Variants in KRTAP9-4 observed in about 807,000 individuals in gnomAD.
KRTAP9-4 encodes keratin associated protein 9-4, also known as keratin-associated protein 9-4.
Under a neutral mutation model 12.7 loss-of-function variants are expected in KRTAP9-4, and 8 were observed. The ratio of observed to expected loss-of-function variants is 0.63; its 90% CI spans 0.37 to 1.14. The LOEUF is 1.14. Ranked by LOEUF, KRTAP9-4 falls within the 50% of genes most tolerant of loss-of-function variation. The probability of loss-of-function intolerance (pLI) is 0.01; values close to 1 mark genes in which losing one functional copy is unlikely to be tolerated. For synonymous variants in KRTAP9-4, 81 were observed against 67.3 expected, an observed-to-expected ratio of 1.20 and a Z score of -1.00; for missense variants, 188 against 189.1, an observed-to-expected ratio of 0.99 and a Z score of 0.03.
chr17:41,249,970 A>T lies in KRTAP9-4; in HGVS notation c.250A>T (p.Thr84Ser), dbSNP rs1280541423. 1.9e-6 allele frequency: 3 copies of T among 1,613,750 alleles called. No individual in the cohort carries two copies. The highest frequency in any genetic ancestry group is 1.7e-5 in the Admixed American group (1 of 59,962). The stretch of plus-strand genomic sequence containing the variant: ...CTGCAGCACACCCTGCTGCCAGCCC[A>T]CCTGCTGTGGGTCCAGCTGTGACCA... Reference protein sequence around the residue: ...SCCSTPCCQPTCCGSSCDQSS... With the variant: ...SCCSTPCCQPSCCGSSCDQSS... The change falls in exon 1 of 1, where the codon ACC (threonine) becomes TCC (serine). Residue 84 changes from threonine to serine, a missense_variant. Transcript: ENST00000334109.
chr17:41,250,062 T>A lies in KRTAP9-4; in HGVS notation c.342T>A (p.Pro114=). 1 of 1,613,542 alleles carries A rather than the reference T, an allele frequency of 6.2e-7. No individual in the cohort carries two copies. The highest frequency in any genetic ancestry group is 2.2e-5 in the East Asian group (1 of 44,828). Residue 114 remains proline, a synonymous_variant, in exon 1 of 1, where the codon CCT becomes CCA. Coordinates refer to ENST00000334109, the MANE Select transcript of KRTAP9-4 (RefSeq NM_033191.3). ...ACTACCCCACAACTGTCTGCCTGCC[T>A]GGTTGCCTAAACCAGAGCTGTGGCT... ...TCYYPTTVCL[P]GCLNQSCGSN... is the part of the protein sequence containing the mutation.
Position 41,250,312 on chromosome 17 carries a change from T to C in KRTAP9-4, c.*127T>C, listed in dbSNP as rs1443169996. The stretch of plus-strand genomic sequence containing the variant: ...CTCACCCAAATTTTTATGAATTCTC[T>C]ACCTGTTTAAAATCTTGGGAATCTA... On this transcript the variant is annotated 3_prime_UTR_variant, in exon 1 of 1. Transcript: ENST00000334109. The C allele has an allele frequency of 6.7e-6, 7 of 1,046,150 alleles. No homozygotes were observed. The highest frequency in any genetic ancestry group is 1.0e-5 in the Non-Finnish European group (7 of 700,878). The allele number at this position is 1,046,150 out of a possible 1,614,324, so 64.8% of individuals were successfully genotyped here. A position where few individuals can be genotyped will look rare whatever the true frequency, so the allele number is the denominator to read the frequency against.
At position 41,250,072 on chromosome 17, in the gene KRTAP9-4, A is replaced by T; in HGVS notation, c.352A>T (p.Asn118Tyr). The T allele has an allele frequency of 9.9e-6, 16 of 1,610,164 alleles. No homozygotes were observed. The highest frequency in any genetic ancestry group is 1.4e-5 in the Non-Finnish European group (16 of 1,179,104). Residue 118 changes from asparagine to tyrosine, a missense_variant, in exon 1 of 1, where the codon AAC becomes TAC. Physicochemically the swap from Asn to Tyr is moderately radical, Grantham distance 143. Coordinates refer to ENST00000334109, the MANE Select transcript of KRTAP9-4 (RefSeq NM_033191.3). ...AACTGTCTGCCTGCCTGGTTGCCTA[A>T]ACCAGAGCTGTGGCTCCAACTGCTG... ...PTTVCLPGCL[N>Y]QSCGSNCCQP...
At position 41,250,251 on chromosome 17, in the gene KRTAP9-4, G is replaced by C; in HGVS notation, c.*66G>C. 2 of 1,594,504 alleles carry C rather than the reference G, an allele frequency of 1.3e-6. No homozygotes were observed. Among genetic ancestry groups the C allele is most frequent in the Admixed American group, 3.4e-5 (2 of 59,136 alleles). On this transcript the variant is annotated 3_prime_UTR_variant, in exon 1 of 1. Transcript: ENST00000334109. ...CTGCTCAACTGACTTATCTTTTGGGGGACTAATTTAATTTGCTGCTGACAG... is the reference window on the plus strand; with the variant it reads ...CTGCTCAACTGACTTATCTTTTGGGCGACTAATTTAATTTGCTGCTGACAG...
Position 41,250,213 on chromosome 17 carries a change from A to C in KRTAP9-4, c.*28A>C, listed in dbSNP as rs1187271289. 6.2e-7 allele frequency: 1 copy of C among 1,613,202 alleles called. No individual in the cohort carries two copies. Among genetic ancestry groups the C allele is most frequent in the East Asian group, 2.2e-5 (1 of 44,876 alleles). ...AAGTCCCAAGAGAACCACCATCCTC[A>C]CACAACAACTTTCTGCTCAACTGAC... is the stretch of plus-strand genomic sequence containing the variant. On this transcript the variant is annotated 3_prime_UTR_variant, in exon 1 of 1. Coordinates refer to ENST00000334109, the MANE Select transcript of KRTAP9-4 (RefSeq NM_033191.3).
chr17:41,249,920 T>A lies in KRTAP9-4; in HGVS notation c.200T>A (p.Val67Glu). The change falls in exon 1 of 1, where the codon GTG becomes GAG. Residue 67 changes from valine to glutamate, a missense_variant. Physicochemically the swap from Val to Glu is moderately radical, Grantham distance 121. Transcript: ENST00000334109. ...CQNTCCQPTC[V>E]TSCCQPSCCS... Reference sequence around the variant, plus strand: ...AACACCTGCTGCCAGCCCACCTGTGTGACCAGCTGCTGCCAGCCTTCCTGC... The same window carrying A: ...AACACCTGCTGCCAGCCCACCTGTGAGACCAGCTGCTGCCAGCCTTCCTGC... 1 of 1,613,130 alleles carries A rather than the reference T, an allele frequency of 6.2e-7. No homozygotes were observed. Among genetic ancestry groups the A allele is most frequent in the South Asian group, 1.1e-5 (1 of 91,026 alleles).
At position 41,250,191 on chromosome 17, in the gene KRTAP9-4, T is replaced by G. The variant is rs1419308132; in HGVS notation, c.*6T>G. On this transcript the variant is annotated 3_prime_UTR_variant, in exon 1 of 1. Coordinates refer to ENST00000334109, the MANE Select transcript of KRTAP9-4 (RefSeq NM_033191.3). ...GTCAGCCTTTTTGCTGCTGATCAAGTCCCAAGAGAACCACCATCCTCACAC... is the reference window on the plus strand; with the variant it reads ...GTCAGCCTTTTTGCTGCTGATCAAGGCCCAAGAGAACCACCATCCTCACAC... 1.2e-6 allele frequency: 2 copies of G among 1,614,032 alleles called. No homozygotes were observed.
In KRTAP9-4 at chr17:41,250,136, G is replaced by T; in HGVS notation, c.416G>T (p.Cys139Phe). The change falls in exon 1 of 1, where the codon TGC becomes TTC. Residue 139 changes from cysteine to phenylalanine, a missense_variant. Physicochemically the swap from Cys to Phe is radical, Grantham distance 205. Coordinates refer to ENST00000334109, the MANE Select transcript of KRTAP9-4 (RefSeq NM_033191.3). ...CGCCCAGCCTGCTGTGAGACCACTT[G>T]CTTCCAGCCCACCTGTGTGTCCAGC... ...CCRPACCETT[C>F]FQPTCVSSCC... 1 of 1,614,224 alleles carries T rather than the reference G, an allele frequency of 6.2e-7. No homozygotes were observed. The highest frequency in any genetic ancestry group is 8.5e-7 in the Non-Finnish European group (1 of 1,180,030).
rs1296329314 is a variant in KRTAP9-4, at chr17:41,250,176, T to A, written c.456T>A (p.Phe152Leu). The A allele has an allele frequency of 6.2e-7, 1 of 1,614,242 alleles. No homozygotes were observed. The highest frequency in any genetic ancestry group is 8.5e-7 in the Non-Finnish European group (1 of 1,180,010). The change falls in exon 1 of 1, where the codon TTT (phenylalanine) becomes TTA (leucine). Residue 152 changes from phenylalanine (F) to leucine (L), a missense_variant. Physicochemically the swap from Phe to Leu is conservative, Grantham distance 22. Coordinates refer to ENST00000334109, the MANE Select transcript of KRTAP9-4 (RefSeq NM_033191.3). ...GTGTGTCCAGCTGCTGTCAGCCTTT[T>A]TGCTGCTGATCAAGTCCCAAGAGAA... ...PTCVSSCCQP[F>L]CC
rs772469290 is a variant in KRTAP9-4, at chr17:41,250,132, A to G, written c.412A>G (p.Thr138Ala). The change falls in exon 1 of 1, where the codon ACT (threonine) becomes GCT (alanine). Residue 138 changes from threonine (T) to alanine (A), a missense_variant. Physicochemically the swap from Thr to Ala is moderately conservative, Grantham distance 58 (BLOSUM62 0). Coordinates refer to ENST00000334109, the MANE Select transcript of KRTAP9-4 (RefSeq NM_033191.3). The stretch of plus-strand genomic sequence containing the variant: ...CTGCCGCCCAGCCTGCTGTGAGACC[A>G]CTTGCTTCCAGCCCACCTGTGTGTC... ...PCCRPACCET[T>A]CFQPTCVSSC... 3.7e-6 allele frequency: 6 copies of G among 1,614,034 alleles called. No homozygotes were observed. In the South Asian group the frequency reaches 6.6e-5, roughly 18 times the overall value.
At position 41,250,254 on chromosome 17, in the gene KRTAP9-4, C is replaced by G; in HGVS notation, c.*69C>G. 6.3e-7 allele frequency: 1 copy of G among 1,591,186 alleles called. No individual in the cohort carries two copies. The highest frequency in any genetic ancestry group is 8.6e-7 in the Non-Finnish European group (1 of 1,163,684). The stretch of plus-strand genomic sequence containing the variant: ...CTCAACTGACTTATCTTTTGGGGGA[C>G]TAATTTAATTTGCTGCTGACAGCCA... On this transcript the variant is annotated 3_prime_UTR_variant, in exon 1 of 1. Coordinates refer to ENST00000334109, the MANE Select transcript of KRTAP9-4 (RefSeq NM_033191.3).
Position 41,250,120 on chromosome 17 carries a change from T to A in KRTAP9-4, c.400T>A (p.Cys134Ser), listed in dbSNP as rs2144119516. 1.2e-6 allele frequency: 2 copies of A among 1,614,234 alleles called. No individual in the cohort carries two copies. The highest frequency in any genetic ancestry group is 4.5e-5 in the East Asian group (2 of 44,886). The change falls in exon 1 of 1, where the codon TGC becomes AGC. Residue 134 changes from cysteine to serine, a missense_variant. Transcript: ENST00000334109. Reference sequence around the variant, plus strand: ...CTGCCAGCCCTGCTGCCGCCCAGCCTGCTGTGAGACCACTTGCTTCCAGCC... The same window carrying A: ...CTGCCAGCCCTGCTGCCGCCCAGCCAGCTGTGAGACCACTTGCTTCCAGCC... ...NCCQPCCRPACCETTCFQPTC... is the reference protein window; with the variant it reads ...NCCQPCCRPASCETTCFQPTC...
At position 41,249,877 on chromosome 17, in the gene KRTAP9-4, C is replaced by T. The variant is rs375235134; in HGVS notation, c.157C>T (p.Arg53Cys). 235 of 1,541,818 alleles carry T rather than the reference C, an allele frequency of 1.5e-4. No homozygotes were observed. The highest frequency in any genetic ancestry group is 9.7e-4 in the East Asian group (42 of 43,118). Reference protein sequence around the residue: ...CVSSCCQPCCRPTCCQNTCCQ... With the variant: ...CVSSCCQPCCCPTCCQNTCCQ... ...TTCCAGCTGCTGCCAGCCTTGCTGC[C>T]GCCCAACTTGCTGTCAAAACACCTG... Residue 53 changes from arginine to cysteine, a missense_variant, in exon 1 of 1, where the codon CGC (arginine) becomes TGC (cysteine). By Grantham distance (180) the Arg-to-Cys change is radical. Coordinates refer to ENST00000334109, the MANE Select transcript of KRTAP9-4 (RefSeq NM_033191.3).
Position 41,249,785 on chromosome 17 carries a change from C to T in KRTAP9-4, c.65C>T (p.Thr22Ile). 6.2e-7 allele frequency: 1 copy of T among 1,612,642 alleles called. No individual in the cohort carries two copies. Among genetic ancestry groups the T allele is most frequent in the South Asian group, 1.1e-5 (1 of 91,006 alleles). The change falls in exon 1 of 1, where the codon ACC (threonine) becomes ATC (isoleucine). Residue 22 changes from threonine (T) to isoleucine (I), a missense_variant. By Grantham distance (89) the Thr-to-Ile change is moderately conservative. Coordinates refer to ENST00000334109, the MANE Select transcript of KRTAP9-4 (RefSeq NM_033191.3). ...TGCAGGACCACCTGCTGCAGGACCA[C>T]CTGCTGGAAGCCCACCACTGTGACC... ...TCCRTTCCRT[T>I]CWKPTTVTTC...
rs142171527 is a variant in KRTAP9-4 at position 41,250,163 on chromosome 17, G to T, written c.443G>T (p.Cys148Phe). ...TTCCAGCCCACCTGTGTGTCCAGCT[G>T]CTGTCAGCCTTTTTGCTGCTGATCA... ...TCFQPTCVSS[C>F]CQPFCC is the part of the protein sequence containing the mutation. The change falls in exon 1 of 1, where the codon TGC becomes TTC. Residue 148 changes from cysteine to phenylalanine, a missense_variant. Cys to Phe is a radical substitution (Grantham distance 205, BLOSUM62 -2). Coordinates refer to ENST00000334109, the MANE Select transcript of KRTAP9-4 (RefSeq NM_033191.3). 3.2e-4 allele frequency: 511 copies of T among 1,614,242 alleles called. No individual in the cohort carries two copies. In the East Asian group the frequency reaches 0.011, roughly 35 times the overall value.
chr17:41,249,908 A>G lies in KRTAP9-4; in HGVS notation c.188A>G (p.Gln63Arg). The G allele has an allele frequency of 6.2e-7, 1 of 1,613,216 alleles. No homozygotes were observed. The highest frequency in any genetic ancestry group is 8.5e-7 in the Non-Finnish European group (1 of 1,179,484). The change falls in exon 1 of 1, where the codon CAG (glutamine) becomes CGG (arginine). Residue 63 changes from glutamine to arginine, a missense_variant. By Grantham distance (43) the Gln-to-Arg change is conservative (BLOSUM62 1). Coordinates refer to ENST00000334109, the MANE Select transcript of KRTAP9-4 (RefSeq NM_033191.3). Reference sequence around the variant, plus strand: ...ACTTGCTGTCAAAACACCTGCTGCCAGCCCACCTGTGTGACCAGCTGCTGC... The same window carrying G: ...ACTTGCTGTCAAAACACCTGCTGCCGGCCCACCTGTGTGACCAGCTGCTGC... ...RPTCCQNTCC[Q>R]PTCVTSCCQP... is the part of the protein sequence containing the mutation.
At position 41,250,197 on chromosome 17, in the gene KRTAP9-4, G is replaced by A. The variant is rs1486310626; in HGVS notation, c.*12G>A. ...CTTTTTGCTGCTGATCAAGTCCCAAGAGAACCACCATCCTCACACAACAAC... is the reference window on the plus strand; with the variant it reads ...CTTTTTGCTGCTGATCAAGTCCCAAAAGAACCACCATCCTCACACAACAAC... On this transcript the variant is annotated 3_prime_UTR_variant, in exon 1 of 1. Coordinates refer to ENST00000334109, the MANE Select transcript of KRTAP9-4 (RefSeq NM_033191.3). 1 of 1,614,100 alleles carries A rather than the reference G, an allele frequency of 6.2e-7. No homozygotes were observed. The highest frequency in any genetic ancestry group is 2.2e-5 in the East Asian group (1 of 44,892).
At position 41,250,194 on chromosome 17, in the gene KRTAP9-4, C is replaced by G. The variant is rs528735577; in HGVS notation, c.*9C>G. 5.6e-6 allele frequency: 9 copies of G among 1,614,116 alleles called. No homozygotes were observed. The highest frequency in any genetic ancestry group is 5.5e-5 in the South Asian group (5 of 91,078). On this transcript the variant is annotated 3_prime_UTR_variant, in exon 1 of 1. Coordinates refer to ENST00000334109, the MANE Select transcript of KRTAP9-4 (RefSeq NM_033191.3). ...AGCCTTTTTGCTGCTGATCAAGTCC[C>G]AAGAGAACCACCATCCTCACACAAC...
Position 41,250,134 on chromosome 17 carries a change from T to G in KRTAP9-4, c.414T>G (p.Thr138=). The G allele has an allele frequency of 6.2e-7, 1 of 1,612,658 alleles. No individual in the cohort carries two copies. Among genetic ancestry groups the G allele is most frequent in the Non-Finnish European group, 8.5e-7 (1 of 1,179,588 alleles). The part of the protein sequence containing the change: ...PCCRPACCET[T]CFQPTCVSSC... Reference sequence around the variant, plus strand: ...GCCGCCCAGCCTGCTGTGAGACCACTTGCTTCCAGCCCACCTGTGTGTCCA... The same window carrying G: ...GCCGCCCAGCCTGCTGTGAGACCACGTGCTTCCAGCCCACCTGTGTGTCCA... The change falls in exon 1 of 1, where the codon ACT becomes ACG. Residue 138 remains threonine (T), a synonymous_variant. Coordinates refer to ENST00000334109, the MANE Select transcript of KRTAP9-4 (RefSeq NM_033191.3).
Sources: gnomAD v4.1 joint callset for allele counts on GRCh38, gnomAD v4.1.1 for gene constraint, MANE v1.5 for transcripts, NCBI Gene and HGNC (gene_info 2026-07-23, HGNC 2026-07-21) for gene names.